The following TEX15 variants were observed in gnomAD, a reference collection of about 807,000 sequenced individuals.
TEX15 encodes the protein testis-expressed protein 15.
In TEX15, 171 loss-of-function variants were observed where a neutral mutation model predicts 237.3. That is an observed-to-expected ratio of 0.72 (90% CI 0.64 to 0.82). The LOEUF is 0.82. TEX15 is among the 40% of genes least tolerant of loss of function. TEX15 has a pLI of 0.00. For missense variants in TEX15, 3,750 were observed against 3,646.5 expected (o/e 1.03, Z -0.73); for synonymous variants, 1,338 against 1,269.8 (o/e 1.05, Z -1.14).
Position 30,839,935 on chromosome 8 carries a change from G to A in TEX15, c.8193C>T (p.Asn2731=). 1 of 1,600,472 alleles carries A rather than the reference G, an allele frequency of 6.2e-7. No individual in the cohort carries two copies. The highest frequency in any genetic ancestry group is 8.5e-7 in the Non-Finnish European group (1 of 1,173,732). The change falls in exon 9 of 11, where the codon AAC becomes AAT. Residue 2731 remains asparagine (N), a synonymous_variant. Transcript: ENST00000643185. ...KVDMKDVTKI[N]REKATFKHPR... ...GATGCTTGAATGTTGCCTTTTCTCTGTTGATTTTTGTGACATCTTTCATGT... is the reference window on the plus strand; with the variant it reads ...GATGCTTGAATGTTGCCTTTTCTCTATTGATTTTTGTGACATCTTTCATGT...
At chr8:30,852,412 A>T (rs557027810) in intron 7 of TEX15, among the ~76,000 whole-genome samples, 131 of 152,244 alleles carry the variant, frequency 8.6e-4, no homozygotes, top group African/African-American at 3.0e-3. Flanking sequence ...TAATCTTAAT[A>T]ACATTTCCAT....
chr8:30,866,445 A>G (rs1808168144), intron 5 of TEX15, among the ~76,000 whole-genome samples: 1 of 152,042 alleles, frequency 6.6e-6, no homozygotes, highest in Admixed American at 6.6e-5. Flanking sequence ...AACTTGGAAA[A>G]CTAGAAAGTA....
intron 5 of TEX15, 133 bp from the exon 6 acceptor site, chr8:30,860,190 C>A: frequency 1.3e-6 from 1 of 754,360 alleles, no homozygotes; most frequent in Non-Finnish European, 1.9e-6. Context: ...TCAGTCCAGG[C>A]TGGAGTTGCA....
intron 3 of TEX15, among the ~76,000 whole-genome samples, chr8:30,884,397 T>C (rs1053548245): frequency 3.3e-4 from 50 of 152,214 alleles, no homozygotes; most frequent in African/African-American, 1.2e-3. Context: ...TGAAAGAGAT[T>C]GTAAAGAATT....
chr8:30,833,338 A>G lies in TEX15; in HGVS notation c.9482-15T>C, dbSNP rs202061610. On this transcript the variant is annotated splice_polypyrimidine_tract_variant and intron_variant, in intron 10 of 10. Coordinates refer to ENST00000643185, the MANE Select transcript of TEX15 (RefSeq NM_001350162.2). ...GTGCCATGGAGCTGGAAGAAAAAAC[A>G]CCACAAAGATTTAAATAAATAATTT... is the stretch of plus-strand genomic sequence containing the variant. 1.1e-4 allele frequency: 168 copies of G among 1,579,744 alleles called. No individual in the cohort carries two copies. Among genetic ancestry groups the G allele is most frequent in the Non-Finnish European group, 1.4e-4 (164 of 1,158,504 alleles).
intron 5 of TEX15, among the ~76,000 whole-genome samples, chr8:30,866,495 TA>T (rs1261597802): frequency 3.9e-5 from 6 of 152,122 alleles, no homozygotes; most frequent in Non-Finnish European, 8.8e-5. Context: ...TCATCACTCA[TA>T]ACAACTAAGC....
At chr8:30,907,774 C>A (rs1485562014) in intron 1 of TEX15, among the ~76,000 whole-genome samples, 66 of 111,428 alleles carry the variant, frequency 5.9e-4, no homozygotes, top group South Asian at 1.7e-3. Flanking sequence ...ATAATTACAC[C>A]AAAAAAAAAA....
At position 30,844,128 on chromosome 8, in the gene TEX15, C is replaced by T. The variant is rs1807529558; in HGVS notation, c.6039G>A (p.Leu2013=). ...ILQRADEASS[L]QILQEETKVC... ...CCTTAGTTTCTTCCTGTAGAATCTG[C>T]AAAGATGATGCTTCATCTGCCCTCT... The change falls in exon 8 of 11, where the codon TTG becomes TTA. Residue 2013 remains leucine, a synonymous_variant. Coordinates refer to ENST00000643185, the MANE Select transcript of TEX15 (RefSeq NM_001350162.2). 1.9e-6 allele frequency: 3 copies of T among 1,613,244 alleles called. No individual in the cohort carries two copies. Among genetic ancestry groups the T allele is most frequent in the Non-Finnish European group, 2.5e-6 (3 of 1,179,538 alleles).
At chr8:30,840,069 C>T in intron 8 of TEX15, 105 bp from the exon 9 acceptor site, 1 of 621,762 alleles carries the variant, frequency 1.6e-6, no homozygotes, top group South Asian at 4.5e-5. Context: ...GTTCTGCCAT[C>T]ATCTAAAGTT....
Position 30,842,671 on chromosome 8 carries a change from T to A in TEX15, c.7496A>T (p.Lys2499Ile). The change falls in exon 8 of 11, where the codon AAA becomes ATA. Residue 2499 changes from lysine (K) to isoleucine (I), a missense_variant. Lys to Ile is a moderately radical substitution (Grantham distance 102, BLOSUM62 -3). Coordinates refer to ENST00000643185, the MANE Select transcript of TEX15 (RefSeq NM_001350162.2). ...QEKMASFSFL[K>I]DNSTDVCLWK... The stretch of plus-strand genomic sequence containing the variant: ...AAGGCAAACATCTGTTGAGTTATCT[T>A]TAAGAAATGAAAAAGAAGCCATTTT... 6.2e-7 allele frequency: 1 copy of A among 1,612,710 alleles called. No homozygotes were observed.
At chr8:30,852,797 G>C (rs915322889) in intron 7 of TEX15, among the ~76,000 whole-genome samples, 1 of 152,084 alleles carries the variant, frequency 6.6e-6, no homozygotes, top group African/African-American at 2.4e-5. Flanking sequence ...AATCAATAAA[G>C]TACACTACCA....
chr8:30,843,628 A>G lies in TEX15; in HGVS notation c.6539T>C (p.Met2180Thr). ...KRQVNECEAI[M>T]EHCSDCFDFS... Reference sequence around the variant, plus strand: ...ATCAAAGCAATCGGAACAATGCTCCATTATGGCTTCACATTCATTAACCTG... The same window carrying G: ...ATCAAAGCAATCGGAACAATGCTCCGTTATGGCTTCACATTCATTAACCTG... The change falls in exon 8 of 11, where the codon ATG becomes ACG. Residue 2180 changes from methionine to threonine, a missense_variant. By Grantham distance (81) the Met-to-Thr change is moderately conservative (BLOSUM62 -1). Coordinates refer to ENST00000643185, the MANE Select transcript of TEX15 (RefSeq NM_001350162.2). The G allele has an allele frequency of 6.2e-7, 1 of 1,612,940 alleles. No homozygotes were observed. Among genetic ancestry groups the G allele is most frequent in the African/African-American group, 1.3e-5 (1 of 75,034 alleles).
chr8:30,867,790 T>A (rs1473308769), intron 4 of TEX15, among the ~76,000 whole-genome samples: 1 of 152,132 alleles, frequency 6.6e-6, no homozygotes, highest in Non-Finnish European at 1.5e-5. Context: ...ATTACATGCA[T>A]CTTCTCATTT....
chr8:30,863,383 A>ACCCTT, intron 5 of TEX15, among the ~76,000 whole-genome samples: 1 of 152,150 alleles, frequency 6.6e-6, no homozygotes, highest in Non-Finnish European at 1.5e-5. Context: ...TTTGTGCCCC[A>ACCCTT]TGACAGGCAG....
rs80011249 is a variant in TEX15, at chr8:30,864,064, G to A, written c.540+3201C>T. 7.2e-4 allele frequency among the ~76,000 whole-genome samples: 110 copies of A among 151,972 alleles called. No individual in the cohort carries two copies. The East Asian group carries it at 0.013, about 18-fold the overall frequency. ...AAGATGCTCAAAGAGCTAAGTATGT[G>A]GAGATAGTAAAAAAACAATGTATGA... On this transcript the variant is annotated intron_variant, in intron 5 of 10. Transcript: ENST00000643185.
In TEX15 at chr8:30,846,913, A is replaced by C. The variant is rs775566703; in HGVS notation, c.3254T>G (p.Leu1085Arg). The change falls in exon 8 of 11, where the codon CTT (leucine) becomes CGT (arginine). Residue 1085 changes from leucine to arginine, a missense_variant. Physicochemically the swap from Leu to Arg is moderately radical, Grantham distance 102 (BLOSUM62 -2). Transcript: ENST00000643185. ...QQDTHSHENM[L>R]CEEFVTSYKA... The stretch of plus-strand genomic sequence containing the variant: ...ATATGAGGTCACAAATTCTTCACAA[A>C]GCATGTTTTCATGGCTATGTGTATC... 26 of 1,613,706 alleles carry C rather than the reference A, an allele frequency of 1.6e-5. No individual in the cohort carries two copies. In the South Asian group the frequency reaches 2.7e-4, roughly 17 times the overall value.
chr8:30,881,407 T>C (rs1808517200), intron 3 of TEX15, among the ~76,000 whole-genome samples: 1 of 152,130 alleles, frequency 6.6e-6, no homozygotes, highest in Non-Finnish European at 1.5e-5. Context: ...ATTTAAATGA[T>C]CTATTTAGAA....
chr8:30,837,612 G>A lies in TEX15; in HGVS notation c.8672C>T (p.Ala2891Val), dbSNP rs908404536. The change falls in exon 10 of 11, where the codon GCG becomes GTG. Residue 2891 changes from alanine to valine, a missense_variant. Physicochemically the swap from Ala to Val is moderately conservative, Grantham distance 64. Coordinates refer to ENST00000643185, the MANE Select transcript of TEX15 (RefSeq NM_001350162.2). ...PETDVSLVPD[A>V]SVLSKPIFCF... is the part of the protein sequence containing the mutation. ...GAAAATTGGCTTTGAGAGCACCGAC[G>A]CATCAGGCACAAGAGAAACATCAGT... 5.6e-6 allele frequency: 9 copies of A among 1,613,846 alleles called. No homozygotes were observed. The East Asian group carries it at 8.9e-5, about 16-fold the overall frequency.
intron 4 of TEX15, among the ~76,000 whole-genome samples, chr8:30,868,784 C>A (rs1321437491): frequency 6.6e-6 from 1 of 151,234 alleles, no homozygotes; most frequent in Non-Finnish European, 1.5e-5. Context: ...TGAAGGTACA[C>A]AGAATAAATT....
Sources: allele counts gnomAD v4.1 joint callset (sites outside exome capture counted in the v4.1 genomes callset), GRCh38; gene constraint gnomAD v4.1.1; transcripts MANE v1.5; gene names NCBI Gene and HGNC (gene_info 2026-07-23, HGNC 2026-07-21).